The following GSK3B variants were observed in gnomAD, a reference collection of about 807,000 sequenced individuals.
The protein encoded by GSK3B is glycogen synthase kinase-3 beta.
In GSK3B, 15 loss-of-function variants were observed where a neutral mutation model predicts 56.4. That is an observed-to-expected ratio of 0.27 (90% confidence interval 0.18 to 0.41). GSK3B has a LOEUF of 0.41. GSK3B is among the 10% of genes least tolerant of loss of function. The pLI is 1.00. For synonymous variants in GSK3B, 181 were observed against 188.9 expected, an observed-to-expected ratio of 0.96 and a Z score of 0.34; for missense variants, 300 against 513.4, an observed-to-expected ratio of 0.58 and a Z score of 4.02.
At chr3:119,913,005 A>G (rs995525591) in intron 5 of GSK3B, among the ~76,000 whole-genome samples, 195 bp from the exon 6 acceptor site, 2 of 152,148 alleles carry the variant, frequency 1.3e-5, no homozygotes, top group Non-Finnish European at 2.9e-5. Context: ...TTGCTCTGCA[A>G]AAAAGAATAG....
chr3:119,926,929 C>T (rs1369109278), intron 3 of GSK3B, among the ~76,000 whole-genome samples: 1 of 152,212 alleles, frequency 6.6e-6, no homozygotes, highest in East Asian at 1.9e-4. Context: ...CATTCCCCAT[C>T]TGCCTTCCCC....
chr3:119,909,910 T>C lies in GSK3B; in HGVS notation c.715+2794A>G, dbSNP rs187197123. On this transcript the variant is annotated intron_variant, in intron 6 of 10. Coordinates refer to ENST00000264235, the MANE Select transcript of GSK3B (RefSeq NM_001146156.2). ...AGCTAATGGTCTCTATTCAGTTCCT[T>C]CTATGACTAAACATCTTGGGTGCAT... Among the ~76,000 whole-genome samples the C allele has an allele frequency of 2.2e-4, 33 of 152,294 alleles. No individual in the cohort carries two copies. In the East Asian group the frequency reaches 6.2e-3, roughly 29 times the overall value.
rs2057684518 is a variant in GSK3B, at chr3:120,002,230, T to C, written c.98A>G (p.Asp33Gly). Residue 33 changes from aspartate (D) to glycine (G), a missense_variant, in exon 2 of 11, where the codon GAC becomes GGC. Transcript: ENST00000264235. Reference sequence around the variant, plus strand: ...CACCACTGTTGTCACCTTGCTGCCGTCCTTGTCTCCTAAAGGAAGAAAGGA... The same window carrying C: ...CACCACTGTTGTCACCTTGCTGCCGCCCTTGTCTCCTAAAGGAAGAAAGGA... ...FGSMKVSRDK[D>G]GSKVTTVVAT... is the part of the protein sequence containing the mutation. 1.3e-6 allele frequency: 2 copies of C among 1,548,194 alleles called. No homozygotes were observed. The highest frequency in any genetic ancestry group is 1.7e-6 in the Non-Finnish European group (2 of 1,152,552).
At chr3:119,912,628 C>A in intron 6 of GSK3B, 76 bp downstream of exon 6, 1 of 593,176 alleles carries the variant, frequency 1.7e-6, no homozygotes, top group South Asian at 2.8e-5. Flanking sequence ...AATAAAAGTA[C>A]AGATTAGTAG....
chr3:120,057,017 T>C (rs1406698894), intron 1 of GSK3B, among the ~76,000 whole-genome samples: 1 of 152,228 alleles, frequency 6.6e-6, no homozygotes, highest in East Asian at 1.9e-4. Context: ...TGGTGGCTCA[T>C]GCCTGTGGTC....
rs186981433 is a variant in GSK3B at position 119,826,351 on chromosome 3, C to G, written c.*437G>C. On this transcript the variant is annotated 3_prime_UTR_variant, in exon 11 of 11. Transcript: ENST00000264235. Reference sequence around the variant, plus strand: ...CTCCCAACCAATTTCAAGCTGTGCACTATACCAAAGTCTCACACTAGACTT... The same window carrying G: ...CTCCCAACCAATTTCAAGCTGTGCAGTATACCAAAGTCTCACACTAGACTT... 291 of 387,208 alleles carry G rather than the reference C, an allele frequency of 7.5e-4. 1 individual carries two copies. Among genetic ancestry groups the G allele is most frequent in the Admixed American group, 1.2e-3 (27 of 23,324 alleles). The allele number at this position is 387,208 out of a possible 1,614,324, so 24.0% of individuals were successfully genotyped here.
At chr3:119,967,830 CTCTT>C (rs976862200) in intron 2 of GSK3B, among the ~76,000 whole-genome samples, 4 of 71,376 alleles carry the variant, frequency 5.6e-5, no homozygotes, top group African/African-American at 2.7e-4. Flanking sequence ...TTCTCTCTTT[CTCTT>C]TCTCTCTCTC....
At position 120,093,364 on chromosome 3, in the gene GSK3B, C is replaced by A. The variant is rs1368413587; in HGVS notation, c.71G>T (p.Gly24Val). The change falls in exon 1 of 11, where the codon GGC (glycine) becomes GTC (valine). Residue 24 changes from glycine to valine, a missense_variant. Coordinates refer to ENST00000264235, the MANE Select transcript of GSK3B (RefSeq NM_001146156.2). ...CKPVQQPSAF[G>V]SMKVSRDKDG... ...ATACTCACTGCTAACTTTCATGCTG[C>A]CAAAAGCTGAAGGCTGCTGCACCGG... 1 of 1,612,974 alleles carries A rather than the reference C, an allele frequency of 6.2e-7. No individual in the cohort carries two copies. Among genetic ancestry groups the A allele is most frequent in the Non-Finnish European group, 8.5e-7 (1 of 1,178,982 alleles).
intron 1 of GSK3B, among the ~76,000 whole-genome samples, chr3:120,022,092 T>G (rs541944917): frequency 3.9e-5 from 6 of 152,160 alleles, no homozygotes; most frequent in Non-Finnish European, 5.9e-5. Context: ...AGAGAAATCT[T>G]CCGTGAAAGG....
intron 9 of GSK3B, among the ~76,000 whole-genome samples, chr3:119,861,174 C>A (rs780045343): frequency 6.6e-6 from 1 of 152,140 alleles, no homozygotes; most frequent in Non-Finnish European, 1.5e-5. Flanking sequence ...CATTTGGAAA[C>A]ACTGCTCCAA....
chr3:119,891,392 C>A (rs560707412), intron 7 of GSK3B, among the ~76,000 whole-genome samples: 1 of 152,134 alleles, frequency 6.6e-6, no homozygotes, highest in African/African-American at 2.4e-5. Context: ...TAACAACTAT[C>A]CTATTTCAAC....
At chr3:120,013,946 G>C (rs934787131) in intron 1 of GSK3B, among the ~76,000 whole-genome samples, 40 of 151,004 alleles carry the variant, frequency 2.6e-4, no homozygotes, top group African/African-American at 8.5e-4. Context: ...AAGGTGAGTG[G>C]ATCACCTGAG....
chr3:119,957,033 T>G (rs1362778217), intron 2 of GSK3B, among the ~76,000 whole-genome samples: 2 of 152,178 alleles, frequency 1.3e-5, no homozygotes, highest in Non-Finnish European at 2.9e-5. Context: ...CAAACACAGG[T>G]GGCTGGTTCA....
intron 2 of GSK3B, among the ~76,000 whole-genome samples, chr3:119,954,780 T>C (rs1314702750): frequency 6.6e-6 from 1 of 152,096 alleles, no homozygotes; most frequent in Non-Finnish European, 1.5e-5. Context: ...ATCTCATGCT[T>C]TAAAAAGAGA....
intron 1 of GSK3B, chr3:120,029,013 T>A (rs936430748): frequency 6.4e-6 from 4 of 629,316 alleles, no homozygotes; most frequent in African/African-American, 1.8e-5. Flanking sequence ...CTTCTTTGTA[T>A]CCTATAGGGA....
intron 1 of GSK3B, among the ~76,000 whole-genome samples, chr3:120,092,419 G>T (rs983529024): frequency 1.3e-5 from 2 of 152,174 alleles, no homozygotes; most frequent in African/African-American, 4.8e-5. Context: ...ACGCTAGAGT[G>T]TTTTAAATCG....
intron 1 of GSK3B, among the ~76,000 whole-genome samples, chr3:120,005,875 G>T (rs1689285425): frequency 6.6e-6 from 1 of 152,076 alleles, no homozygotes; most frequent in Non-Finnish European, 1.5e-5. Flanking sequence ...CAATTAATGG[G>T]CAAAATAACC....
chr3:119,914,098 A>G (rs1234947652), intron 5 of GSK3B, among the ~76,000 whole-genome samples: 2 of 152,056 alleles, frequency 1.3e-5, no homozygotes, highest in South Asian at 2.1e-4. Context: ...AGCCTCTCTT[A>G]CAGAGGAGAC....
chr3:119,919,904 T>TG (rs2056821993), intron 4 of GSK3B, among the ~76,000 whole-genome samples: 1 of 150,544 alleles, frequency 6.6e-6, no homozygotes, highest in African/African-American at 2.5e-5. Context: ...TATTTTTAAC[T>TG]GAAAAAAAAG....
Sources: gnomAD v4.1 joint callset for allele counts (sites outside exome capture counted in the v4.1 genomes callset) on GRCh38, gnomAD v4.1.1 for gene constraint, MANE v1.5 for transcripts, NCBI Gene and HGNC (gene_info 2026-07-23, HGNC 2026-07-21) for gene names.